The following BCL2 variants were observed in gnomAD, a reference collection of about 807,000 sequenced individuals.
The protein encoded by BCL2 is BCL2 apoptosis regulator, also known as apoptosis regulator Bcl-2.
A neutral mutation model predicts 14.2 loss-of-function variants in BCL2; 1 was observed. That is an observed-to-expected ratio of 0.07 (90% CI 0.02 to 0.33). The LOEUF is 0.33. BCL2 is among the 10% of genes least tolerant of loss of function. The probability of loss-of-function intolerance (pLI) is 0.99; values close to 1 mark genes in which losing one functional copy is unlikely to be tolerated. For missense variants in BCL2, 247 were observed against 305.9 expected (o/e 0.81, Z 1.44); for synonymous variants, 151 against 137.2 (o/e 1.10, Z -0.70).
intron 2 of BCL2, among the ~76,000 whole-genome samples, chr18:63,228,985 C>T (rs527793841): frequency 1.2e-4 from 18 of 152,364 alleles, no homozygotes; most frequent in African/African-American, 4.3e-4. Context: ...GCTGGGATTA[C>T]AGGCATGAGC....
chr18:63,312,863 T>A (rs1165367791), intron 2 of BCL2, among the ~76,000 whole-genome samples: 1 of 152,186 alleles, frequency 6.6e-6, no homozygotes, highest in Non-Finnish European at 1.5e-5. Context: ...TGTAGACTGG[T>A]GTTTATTAAG....
At chr18:63,222,325 CAA>C (rs1040180124) in intron 2 of BCL2, among the ~76,000 whole-genome samples, 5 of 136,908 alleles carry the variant, frequency 3.7e-5, no homozygotes, top group African/African-American at 1.3e-4. Flanking sequence ...AAAAAAGAAA[CAA>C]AGAAAAGGAA....
Position 63,141,817 on chromosome 18 carries a change from G to A in BCL2, c.586-13058C>T, listed in dbSNP as rs368467535. Reference sequence around the variant, plus strand: ...CACTGTGTGCTCCACAGGGATTGGCGACAGGCAAATATGCTCTACTTGTCG... The same window carrying A: ...CACTGTGTGCTCCACAGGGATTGGCAACAGGCAAATATGCTCTACTTGTCG... On this transcript the variant is annotated intron_variant, in intron 2 of 2. Transcript: ENST00000333681. Among the ~76,000 whole-genome samples, 690 of 152,342 alleles carry A rather than the reference G, an allele frequency of 4.5e-3. 4 individuals carry two copies. Among genetic ancestry groups the A allele is most frequent in the Non-Finnish European group, 7.0e-3 (476 of 68,044 alleles).
intron 2 of BCL2, among the ~76,000 whole-genome samples, chr18:63,194,492 G>A (rs185353082): frequency 2.5e-4 from 38 of 151,940 alleles, no homozygotes; most frequent in Non-Finnish European, 1.9e-4. Flanking sequence ...GCGCTACCAC[G>A]CCCAGCTAAT....
At chr18:63,198,677 C>A (rs1909545980) in intron 2 of BCL2, among the ~76,000 whole-genome samples, 1 of 119,562 alleles carries the variant, frequency 8.4e-6, no homozygotes, top group Non-Finnish European at 1.7e-5. Context: ...CACAAAGACA[C>A]AACAGACACA....
intron 2 of BCL2, among the ~76,000 whole-genome samples, chr18:63,159,446 C>A (rs898770203): frequency 6.6e-6 from 1 of 152,150 alleles, no homozygotes; most frequent in Non-Finnish European, 1.5e-5. Context: ...AGTTCTGAAA[C>A]GGATTTCTTT....
chr18:63,217,588 C>A (rs1350280352), intron 2 of BCL2, among the ~76,000 whole-genome samples: 1 of 152,182 alleles, frequency 6.6e-6, no homozygotes, highest in African/African-American at 2.4e-5. Flanking sequence ...GACAACCTGG[C>A]AAGTGCTGAC....
intron 2 of BCL2, among the ~76,000 whole-genome samples, chr18:63,265,731 G>C (rs1233099873): frequency 2.0e-5 from 3 of 152,008 alleles, no homozygotes; most frequent in African/African-American, 7.2e-5. Flanking sequence ...ACAGACAAAG[G>C]ATATATTTCT....
chr18:63,225,668 C>G lies in BCL2; in HGVS notation c.585+92414G>C, dbSNP rs1311067760. Among the ~76,000 whole-genome samples, 4 of 152,324 alleles carry G rather than the reference C, an allele frequency of 2.6e-5. No individual in the cohort carries two copies. In the East Asian group the frequency reaches 7.7e-4, roughly 29 times the overall value. Reference sequence around the variant, plus strand: ...CTGGAACTTGCCAGCCACTCTGGCACTGGCAGGGGTGAACTCCACTCATGA... The same window carrying G: ...CTGGAACTTGCCAGCCACTCTGGCAGTGGCAGGGGTGAACTCCACTCATGA... On this transcript the variant is annotated intron_variant, in intron 2 of 2. Coordinates refer to ENST00000333681, the MANE Select transcript of BCL2 (RefSeq NM_000633.3).
chr18:63,214,547 A>C (rs1464451740), intron 2 of BCL2, among the ~76,000 whole-genome samples: 1 of 152,142 alleles, frequency 6.6e-6, no homozygotes, highest in Admixed American at 6.5e-5. Flanking sequence ...GTACCATTTG[A>C]GCTTTTGACA....
intron 2 of BCL2, among the ~76,000 whole-genome samples, chr18:63,273,536 T>TA (rs1178818570): frequency 2.6e-5 from 4 of 151,526 alleles, no homozygotes; most frequent in Admixed American, 1.3e-4. Flanking sequence ...GCCTATGCTT[T>TA]AAAAAAAAAT....
At chr18:63,229,724 G>A (rs1350717079) in intron 2 of BCL2, among the ~76,000 whole-genome samples, 1 of 152,206 alleles carries the variant, frequency 6.6e-6, no homozygotes, top group Non-Finnish European at 1.5e-5. Context: ...AGAACCGTAA[G>A]TCAATTAAAC....
chr18:63,209,745 C>T (rs543543793), intron 2 of BCL2, among the ~76,000 whole-genome samples: 4 of 151,868 alleles, frequency 2.6e-5, no homozygotes, highest in South Asian at 4.2e-4. Context: ...GGAAACAGAG[C>T]GAGGAAGCTA....
At chr18:63,199,991 C>A (rs1909644948) in intron 2 of BCL2, among the ~76,000 whole-genome samples, 1 of 152,110 alleles carries the variant, frequency 6.6e-6, no homozygotes, top group Admixed American at 6.6e-5. Context: ...GCAAGCCAGT[C>A]TCTCATGAAC....
intron 2 of BCL2, among the ~76,000 whole-genome samples, chr18:63,196,204 A>G (rs1472041058): frequency 6.6e-6 from 1 of 152,232 alleles, no homozygotes; most frequent in African/African-American, 2.4e-5. Flanking sequence ...GTGTTCAATG[A>G]ACCACAAAGA....
intron 2 of BCL2, among the ~76,000 whole-genome samples, chr18:63,146,328 C>T (rs1383009529): frequency 6.6e-6 from 1 of 152,252 alleles, no homozygotes; most frequent in Non-Finnish European, 1.5e-5. Context: ...ACCTTCCAGC[C>T]CGCCTCCTGG....
chr18:63,163,355 CTAATA>C (rs59180476), intron 2 of BCL2, among the ~76,000 whole-genome samples: 17,645 of 152,184 alleles, frequency 0.12, 1,324 homozygotes, highest in Non-Finnish European at 0.17. Context: ...GTTTTGCTAC[CTAATA>C]TATCACTTCT....
chr18:63,176,074 G>C (rs963332610), intron 2 of BCL2, among the ~76,000 whole-genome samples: 9 of 152,236 alleles, frequency 5.9e-5, no homozygotes, highest in African/African-American at 2.2e-4. Flanking sequence ...TGGTTTGGTT[G>C]CCTGCTTCCC....
chr18:63,248,588 G>T (rs1474172647), intron 2 of BCL2, among the ~76,000 whole-genome samples: 1 of 152,178 alleles, frequency 6.6e-6, no homozygotes, highest in African/African-American at 2.4e-5. Context: ...TGGTGAACTG[G>T]ATGCTAATAC....
Sources: allele counts gnomAD v4.1 joint callset (sites outside exome capture counted in the v4.1 genomes callset), GRCh38; gene constraint gnomAD v4.1.1; transcripts MANE v1.5; gene names NCBI Gene and HGNC (gene_info 2026-07-23, HGNC 2026-07-21).